Variants in ST6GALNAC3 observed in about 807,000 individuals in gnomAD.
The protein encoded by ST6GALNAC3 is ST6 N-acetylgalactosaminide alpha-2,6-sialyltransferase 3.
ST6GALNAC3 carries 25 observed loss-of-function variants against 32.7 expected under a neutral mutation model. The ratio of observed to expected loss-of-function variants is 0.76; its 90% confidence interval spans 0.56 to 1.07. ST6GALNAC3 has a LOEUF of 1.07. Ranked by LOEUF, ST6GALNAC3 falls within the 50% of genes least tolerant of loss-of-function variation. The pLI is 0.00. For synonymous variants in ST6GALNAC3, 129 were observed against 133.1 expected (o/e 0.97, Z 0.21); for missense variants, 355 against 382.4 (o/e 0.93, Z 0.60).
At chr1:76,381,751 T>C (rs1651729906) in intron 2 of ST6GALNAC3, among the ~76,000 whole-genome samples, 1 of 152,174 alleles carries the variant, frequency 6.6e-6, no homozygotes, top group Non-Finnish European at 1.5e-5. Flanking sequence ...GCAGTGGGAC[T>C]GGTAGATGAA....
chr1:76,145,560 A>G (rs888756768), intron 1 of ST6GALNAC3, among the ~76,000 whole-genome samples: 2 of 152,202 alleles, frequency 1.3e-5, no homozygotes, highest in Admixed American at 1.3e-4. Flanking sequence ...CCAAAATACT[A>G]TTCAGATGTG....
At position 76,212,674 on chromosome 1, in the gene ST6GALNAC3, C is replaced by T. The variant is rs150436979; in HGVS notation, c.19-101131C>T. On this transcript the variant is annotated intron_variant, in intron 1 of 4. Coordinates refer to ENST00000328299, the MANE Select transcript of ST6GALNAC3 (RefSeq NM_152996.4). ...TTCAACAATTGAATTTTTTTTTCCC[C>T]GCTAGAAAAGAGGGTTTTTCAGGCC... Among the ~76,000 whole-genome samples the T allele has an allele frequency of 5.4e-3, 823 of 151,962 alleles. 11 individuals carry two copies. The highest frequency in any genetic ancestry group is 0.018 in the African/African-American group (756 of 41,438).
intron 1 of ST6GALNAC3, among the ~76,000 whole-genome samples, chr1:76,081,812 C>T (rs1484941598): frequency 2.0e-5 from 3 of 152,098 alleles, no homozygotes; most frequent in African/African-American, 7.2e-5. Context: ...ATTTTATATT[C>T]ATTTTATCAA....
chr1:76,599,578 A>G lies in ST6GALNAC3; in HGVS notation c.624-27874A>G, dbSNP rs1212875527. On this transcript the variant is annotated intron_variant, in intron 3 of 4. Coordinates refer to ENST00000328299, the MANE Select transcript of ST6GALNAC3 (RefSeq NM_152996.4). The stretch of plus-strand genomic sequence containing the variant: ...CTGTTCCTGTGAGATTAAATATTTC[A>G]TGATGAAAGGAGCAAAGTGCTGTGT... Among the ~76,000 whole-genome samples, 8 of 151,980 alleles carry G rather than the reference A, an allele frequency of 5.3e-5. No individual in the cohort carries two copies. In the East Asian group the frequency reaches 5.8e-4, roughly 11 times the overall value.
chr1:76,529,188 A>T (rs573869637), intron 3 of ST6GALNAC3, among the ~76,000 whole-genome samples: 29 of 152,118 alleles, frequency 1.9e-4, no homozygotes, highest in Non-Finnish European at 3.4e-4. Flanking sequence ...ACCTCCGCAG[A>T]GCCAGAGGAT....
chr1:76,141,857 T>G (rs1301090817), intron 1 of ST6GALNAC3, among the ~76,000 whole-genome samples: 1 of 152,198 alleles, frequency 6.6e-6, no homozygotes, highest in Non-Finnish European at 1.5e-5. Flanking sequence ...TACACTGCCC[T>G]AGAGTTGAGA....
chr1:76,512,567 G>C (rs898248512), intron 3 of ST6GALNAC3, among the ~76,000 whole-genome samples: 1 of 152,108 alleles, frequency 6.6e-6, no homozygotes, highest in African/African-American at 2.4e-5. Flanking sequence ...CTTCACAGTG[G>C]TGGAACATTC....
At chr1:76,440,302 G>T (rs1023700294) in intron 3 of ST6GALNAC3, among the ~76,000 whole-genome samples, 6 of 152,218 alleles carry the variant, frequency 3.9e-5, no homozygotes, top group Admixed American at 2.0e-4. Flanking sequence ...GTCAGATCAA[G>T]AATTTGTGAC....
intron 3 of ST6GALNAC3, among the ~76,000 whole-genome samples, chr1:76,604,656 A>C (rs1475393469): frequency 6.6e-6 from 1 of 152,002 alleles, no homozygotes; most frequent in Non-Finnish European, 1.5e-5. Flanking sequence ...CCAGACTCAT[A>C]CTCTAAATTC....
chr1:76,521,797 G>C (rs1662553789), intron 3 of ST6GALNAC3, among the ~76,000 whole-genome samples: 2 of 152,080 alleles, frequency 1.3e-5, no homozygotes, highest in South Asian at 2.1e-4. Context: ...GGCCAGGCGT[G>C]GTGGCTCACA....
At chr1:76,373,936 GAAGAGTACATTAAA>G (rs924960716) in intron 2 of ST6GALNAC3, among the ~76,000 whole-genome samples, 1 of 152,062 alleles carries the variant, frequency 6.6e-6, no homozygotes, top group African/African-American at 2.4e-5. Flanking sequence ...GGTGCCTGGT[GAAGAGTACATTAAA>G]ATAGGAAGGA....
intron 1 of ST6GALNAC3, among the ~76,000 whole-genome samples, chr1:76,133,908 C>T (rs1649773299): frequency 6.6e-6 from 1 of 152,176 alleles, no homozygotes; most frequent in Admixed American, 6.5e-5. Flanking sequence ...CTCCCGATAA[C>T]CAATGCAGGG....
chr1:76,470,052 G>T (rs749682161), intron 3 of ST6GALNAC3, among the ~76,000 whole-genome samples: 7 of 151,970 alleles, frequency 4.6e-5, no homozygotes, highest in Non-Finnish European at 7.4e-5. Flanking sequence ...TGAAGACCAA[G>T]GTGTCACCAT....
intron 2 of ST6GALNAC3, among the ~76,000 whole-genome samples, chr1:76,378,650 G>A (rs988838372): frequency 2.2e-5 from 3 of 139,342 alleles, no homozygotes; most frequent in Non-Finnish European, 3.1e-5. Context: ...CAAGAAGAAC[G>A]AAATTCCTTC....
At chr1:76,097,473 A>G (rs1324067347) in intron 1 of ST6GALNAC3, among the ~76,000 whole-genome samples, 1 of 152,122 alleles carries the variant, frequency 6.6e-6, no homozygotes, top group East Asian at 1.9e-4. Flanking sequence ...GTGAAGAAGG[A>G]CATGCTTGCT....
At chr1:76,408,053 T>C (rs757321351) in intron 2 of ST6GALNAC3, among the ~76,000 whole-genome samples, 9 of 152,062 alleles carry the variant, frequency 5.9e-5, no homozygotes, top group Non-Finnish European at 7.4e-5. Flanking sequence ...TCTTTCTTTT[T>C]GTCATGGCAT....
intron 1 of ST6GALNAC3, among the ~76,000 whole-genome samples, chr1:76,156,270 T>C (rs992795029): frequency 6.6e-6 from 1 of 151,960 alleles, no homozygotes; most frequent in African/African-American, 2.4e-5. Context: ...GTCAGGTTTC[T>C]TCTCGTAAAG....
At chr1:76,431,913 A>G (rs1433486863) in intron 3 of ST6GALNAC3, among the ~76,000 whole-genome samples, 3 of 152,318 alleles carry the variant, frequency 2.0e-5, no homozygotes, top group East Asian at 1.9e-4. Flanking sequence ...ATACAAATGT[A>G]TAAGGACATG....
At chr1:76,497,871 G>A (rs568170942) in intron 3 of ST6GALNAC3, among the ~76,000 whole-genome samples, 152 of 152,294 alleles carry the variant, frequency 1.0e-3, no homozygotes, top group African/African-American at 3.6e-3. Flanking sequence ...TATGTGGGCA[G>A]TATTGAAGAG....
Sources: gnomAD v4.1 joint callset for allele counts (sites outside exome capture counted in the v4.1 genomes callset) on GRCh38, gnomAD v4.1.1 for gene constraint, MANE v1.5 for transcripts, NCBI Gene and HGNC (gene_info 2026-07-23, HGNC 2026-07-21) for gene names.